ABCA9: variants seen among roughly 807,000 people sequenced by gnomAD.
ABCA9 encodes ATP-binding cassette sub-family A member 9.
Under a neutral mutation model 205.3 loss-of-function variants are expected in ABCA9, and 183 were observed. That is an observed-to-expected ratio of 0.89 (90% CI 0.79 to 1.01). The LOEUF is 1.01. Ranked by LOEUF, ABCA9 falls within the 50% of genes least tolerant of loss-of-function variation. The pLI is 0.00. For missense variants in ABCA9, 1,805 were observed against 1,912.4 expected, an observed-to-expected ratio of 0.94 and a Z score of 1.05; for synonymous variants, 651 against 683.3, an observed-to-expected ratio of 0.95 and a Z score of 0.74.
At chr17:69,006,402 A>C (rs915243610) in intron 25 of ABCA9, among the ~76,000 whole-genome samples, 1 of 152,244 alleles carries the variant, frequency 6.6e-6, no homozygotes, top group African/African-American at 2.4e-5. Flanking sequence ...GTCCATCAAC[A>C]ATGAATAAAT....
intron 23 of ABCA9, among the ~76,000 whole-genome samples, chr17:69,008,586 A>T (rs1013514368): frequency 1.3e-5 from 2 of 152,214 alleles, no homozygotes; most frequent in East Asian, 3.8e-4. Context: ...CAGAAGTAGG[A>T]TTACCATTTC....
intron 19 of ABCA9, 64 bp from the exon 20 acceptor site, chr17:69,018,643 G>A: frequency 8.1e-7 from 1 of 1,240,978 alleles, no homozygotes; most frequent in Non-Finnish European, 1.1e-6. Flanking sequence ...TTTTAAGTTT[G>A]AAGGTATAAT....
chr17:69,017,891 ACTGT>A (rs2070678647), intron 20 of ABCA9, 102 bp from the exon 21 acceptor site: 1 of 1,340,430 alleles, frequency 7.5e-7, no homozygotes, highest in Non-Finnish European at 1.0e-6. Flanking sequence ...ACACAAAAGG[ACTGT>A]CTAAGGCTTT....
At chr17:69,054,684 A>C (rs2072012965) in intron 1 of ABCA9, among the ~76,000 whole-genome samples, 1 of 151,984 alleles carries the variant, frequency 6.6e-6, no homozygotes, top group Admixed American at 6.6e-5. Context: ...AATTGTGTAT[A>C]CTTATGTTTA....
At chr17:69,074,786 G>T in the ABCA9 span, among the ~76,000 whole-genome samples, 1 of 151,938 alleles carries the variant, frequency 6.6e-6, no homozygotes, top group African/African-American at 2.4e-5. Flanking sequence ...TTTTCCTTTG[G>T]TTATATACCC....
chr17:68,990,853 A>G lies in ABCA9; in HGVS notation c.3821T>C (p.Val1274Ala), dbSNP rs74994346. Residue 1274 changes from valine (V) to alanine (A), a missense_variant, in exon 29 of 39, where the codon GTG becomes GCG. Val to Ala is a moderately conservative substitution (Grantham distance 64). Coordinates refer to ENST00000340001, the MANE Select transcript of ABCA9 (RefSeq NM_080283.4). ...ERMRTVNAMA[V>A]RDFDETPVII... ...GAGTTCTACCTCATCAAAGTCTCGC[A>G]CAGCCATAGCATTCACTGTTCTCAT... 6.2e-7 allele frequency: 1 copy of G among 1,613,230 alleles called. No individual in the cohort carries two copies. The highest frequency in any genetic ancestry group is 1.1e-5 in the South Asian group (1 of 90,884).
chr17:68,985,161 A>C, intron 32 of ABCA9, 33 bp from the exon 33 acceptor site: 4 of 1,613,920 alleles, frequency 2.5e-6, no homozygotes, highest in Non-Finnish European at 3.4e-6. Context: ...ACATAATCCC[A>C]ACACTGGCGA....
At chr17:68,980,131 A>G (rs570695474) in intron 37 of ABCA9, among the ~76,000 whole-genome samples, 2 of 152,348 alleles carry the variant, frequency 1.3e-5, no homozygotes, top group East Asian at 3.9e-4. Flanking sequence ...AAAGGATATG[A>G]ACAGACACTT....
chr17:69,066,447 TG>T, the ABCA9 span, among the ~76,000 whole-genome samples: 3 of 152,186 alleles, frequency 2.0e-5, no homozygotes, highest in African/African-American at 7.2e-5. Context: ...TTAAGTGAGT[TG>T]TTTTTGTCAA....
chr17:69,048,317 C>G (rs2071786395), intron 3 of ABCA9, among the ~76,000 whole-genome samples: 1 of 152,184 alleles, frequency 6.6e-6, no homozygotes, highest in South Asian at 2.1e-4. Flanking sequence ...GATTTTGGAG[C>G]ATTTCTGATT....
At chr17:69,028,702 C>T in intron 11 of ABCA9, 57 bp from the exon 12 acceptor site, 1 of 1,057,652 alleles carries the variant, frequency 9.5e-7, no homozygotes, top group Non-Finnish European at 1.3e-6. Context: ...TTTACAGTCT[C>T]TGAAACTGTT....
intron 17 of ABCA9, 112 bp from the exon 18 acceptor site, chr17:69,021,973 T>C: frequency 2.4e-6 from 2 of 832,714 alleles, no homozygotes; most frequent in Non-Finnish European, 3.3e-6. Context: ...AGAAACAAAA[T>C]TGTGATACAG....
the ABCA9 span, among the ~76,000 whole-genome samples, chr17:69,076,325 G>T: frequency 2.0e-5 from 3 of 152,198 alleles, no homozygotes; most frequent in East Asian, 3.9e-4. Context: ...CACATTTATT[G>T]ATTTGTGTAT....
intron 23 of ABCA9, 180 bp downstream of exon 23, chr17:69,011,796 C>A: frequency 2.1e-6 from 1 of 477,674 alleles, no homozygotes. Context: ...TGAGGTCTCA[C>A]ATTTGTTTCA....
At chr17:69,066,728 G>T in the ABCA9 span, among the ~76,000 whole-genome samples, 1 of 152,180 alleles carries the variant, frequency 6.6e-6, no homozygotes, top group Non-Finnish European at 1.5e-5. Flanking sequence ...TTTCTGTGAA[G>T]TAGGAAGCAA....
intron 3 of ABCA9, among the ~76,000 whole-genome samples, chr17:69,047,495 G>C (rs11650025): frequency 0.87 from 131,761 of 151,610 alleles, 58,247 homozygotes; most frequent in East Asian, 1. Context: ...ACTCCAAAGT[G>C]CAGCTGGAGC....
chr17:69,027,669 C>G lies in ABCA9; in HGVS notation c.1762G>C (p.Gly588Arg), dbSNP rs780620879. ...TTCTCCACTTCATGTGGCAAAATCC[C>G]TTTTATTTTAGCAAACAGCCTGAGG... ...ENLRLFAKIK[G>R]ILPHEVEKEV... is the part of the protein sequence containing the mutation. Residue 588 changes from glycine (G) to arginine (R), a missense_variant, in exon 13 of 39, where the codon GGG (glycine) becomes CGG (arginine). By Grantham distance (125) the Gly-to-Arg change is moderately radical (BLOSUM62 -2). Coordinates refer to ENST00000340001, the MANE Select transcript of ABCA9 (RefSeq NM_080283.4). 3 of 1,613,402 alleles carry G rather than the reference C, an allele frequency of 1.9e-6. No individual in the cohort carries two copies. In the South Asian group the frequency reaches 3.3e-5, roughly 18 times the overall value.
intron 26 of ABCA9, among the ~76,000 whole-genome samples, chr17:68,994,064 TG>T (rs1007143675): frequency 8.5e-5 from 13 of 152,240 alleles, no homozygotes; most frequent in African/African-American, 3.1e-4. Flanking sequence ...TTAGTAGAGA[TG>T]GGGTTTCACC....
chr17:69,061,175 C>T, upstream of ABCA9: 1 of 984,128 alleles, frequency 1.0e-6, no homozygotes, highest in African/African-American at 1.7e-5. Context: ...ACATTAGGAA[C>T]TATCAAACCA....
Sources: allele counts gnomAD v4.1 joint callset (sites outside exome capture counted in the v4.1 genomes callset), GRCh38; gene constraint gnomAD v4.1.1; transcripts MANE v1.5; gene names NCBI Gene and HGNC (gene_info 2026-07-23, HGNC 2026-07-21).